WDR44: variants seen among roughly 807,000 people sequenced by gnomAD.
WDR44 encodes WD repeat domain 44, also known as WD repeat-containing protein 44.
Under a neutral mutation model 65.7 loss-of-function variants are expected in WDR44, and 9 were observed. The observed-to-expected ratio is 0.14, with a 90% CI of 0.08 to 0.24. The LOEUF is 0.24. Among genes scored for constraint, WDR44 ranks in the 10% least tolerant of loss-of-function variants. The pLI is 1.00. For synonymous variants in WDR44, 220 were observed against 235.2 expected (o/e 0.94, Z 0.59); for missense variants, 425 against 670.9 (o/e 0.63, Z 4.05).
chrX:118,366,144 G>A (rs2056551098), intron 1 of WDR44, among the ~76,000 whole-genome samples: 1 of 111,329 alleles, frequency 9.0e-6, no homozygotes, highest in Non-Finnish European at 1.9e-5. Flanking sequence ...TCCCTTTCTG[G>A]TTTGACTATC....
intron 1 of WDR44, among the ~76,000 whole-genome samples, chrX:118,377,230 C>T (rs921783704): frequency 4.4e-4 from 48 of 109,755 alleles, no homozygotes; most frequent in African/African-American, 1.6e-3. Context: ...TGTGGTGGCG[C>T]ATGCCTGTAG....
At chrX:118,348,040 C>G (rs2056368746) in intron 1 of WDR44, among the ~76,000 whole-genome samples, 1 of 107,612 alleles carries the variant, frequency 9.3e-6, no homozygotes, top group Non-Finnish European at 1.9e-5. Flanking sequence ...TCCTTTGGTA[C>G]TTTTGTGTGT....
At chrX:118,411,332 G>A (rs1236509958) in intron 12 of WDR44, among the ~76,000 whole-genome samples, 2 of 111,603 alleles carry the variant, frequency 1.8e-5, no homozygotes, top group Non-Finnish European at 3.8e-5. Flanking sequence ...AATCTTCTTG[G>A]TTTAATAAAC....
intron 13 of WDR44, among the ~76,000 whole-genome samples, chrX:118,435,130 AAAG>A (rs1728178528): frequency 8.9e-6 from 1 of 112,484 alleles, no homozygotes; most frequent in African/African-American, 3.2e-5. Flanking sequence ...AGTCTTTCTT[AAAG>A]AATACTTATT....
At chrX:118,358,846 G>GTGGA (rs2056486803) in intron 1 of WDR44, among the ~76,000 whole-genome samples, 1 of 112,130 alleles carries the variant, frequency 8.9e-6, no homozygotes, top group African/African-American at 3.2e-5. Context: ...GCCGAGGCAG[G>GTGGA]TGGATCGCTT....
intron 19 of WDR44, 76 bp downstream of exon 19, chrX:118,444,570 G>C: frequency 9.5e-7 from 1 of 1,047,138 alleles, no homozygotes; most frequent in Non-Finnish European, 1.3e-6. Flanking sequence ...AGTATAATAA[G>C]GTTTTCACTA....
chrX:118,428,457 T>A (rs1352012975), intron 12 of WDR44, among the ~76,000 whole-genome samples: 4 of 111,531 alleles, frequency 3.6e-5, no homozygotes, highest in Admixed American at 9.6e-5. Flanking sequence ...TATTTATAGA[T>A]AAAAGACTTT....
intron 1 of WDR44, among the ~76,000 whole-genome samples, chrX:118,349,837 C>T (rs953464584): frequency 6.1e-4 from 68 of 112,006 alleles, no homozygotes; most frequent in African/African-American, 2.1e-3. Context: ...CGTGAGCCAC[C>T]GCACCTGGCC....
intron 12 of WDR44, among the ~76,000 whole-genome samples, chrX:118,423,715 A>G (rs904627473): frequency 8.9e-6 from 1 of 111,839 alleles, no homozygotes; most frequent in African/African-American, 3.3e-5. Context: ...AAACTTAATC[A>G]TTTTGAAAGT....
chrX:118,369,582 G>GC (rs1340707407), intron 1 of WDR44, among the ~76,000 whole-genome samples: 12 of 101,109 alleles, frequency 1.2e-4, no homozygotes, highest in African/African-American at 1.5e-4. Context: ...CCATTCTCCT[G>GC]CTCAGCCTCC....
rs781589284 is a variant in WDR44, at chrX:118,397,109, A to G, written c.1190+3A>G. The stretch of plus-strand genomic sequence containing the variant: ...AGAAGGACAAAAGAATATGTAAGGT[A>G]TGGCCTAATGTTGTTATTTGTCATT... On this transcript the variant is annotated splice_donor_region_variant and intron_variant, in intron 7 of 19. Transcript: ENST00000254029. 7.8e-6 allele frequency: 9 copies of G among 1,154,156 alleles called. No individual in the cohort carries two copies. Among genetic ancestry groups the G allele is most frequent in the Middle Eastern group, 2.4e-4 (1 of 4,111 alleles).
intron 12 of WDR44, among the ~76,000 whole-genome samples, chrX:118,419,210 T>C (rs1437758617): frequency 9.0e-6 from 1 of 111,302 alleles, no homozygotes. Flanking sequence ...TTCTCGCCAG[T>C]TCAAATTGTT....
At position 118,436,683 on chromosome X, in the gene WDR44, A is replaced by C; in HGVS notation, c.1852-19A>C. The C allele has an allele frequency of 8.5e-7, 1 of 1,178,285 alleles. No individual in the cohort carries two copies. Among genetic ancestry groups the C allele is most frequent in the Non-Finnish European group, 1.1e-6 (1 of 876,117 alleles). On this transcript the variant is annotated intron_variant, in intron 13 of 19. Coordinates refer to ENST00000254029, the MANE Select transcript of WDR44 (RefSeq NM_019045.5). Reference sequence around the variant, plus strand: ...TTTTTCATATAGTGATAACATAGTCAATGTCATTTTCCCCATAGAACTACT... The same window carrying C: ...TTTTTCATATAGTGATAACATAGTCCATGTCATTTTCCCCATAGAACTACT...
chrX:118,413,048 G>A (rs1000039224), intron 12 of WDR44, among the ~76,000 whole-genome samples: 1 of 112,423 alleles, frequency 8.9e-6, no homozygotes, highest in African/African-American at 3.2e-5. Context: ...TGGCTGAGTA[G>A]TATTCCATCG....
intron 12 of WDR44, 26 bp downstream of exon 12, chrX:118,410,985 C>G: frequency 1.8e-6 from 2 of 1,111,604 alleles, no homozygotes; most frequent in South Asian, 2.2e-5. Context: ...TATGGTTACT[C>G]TGTTTTCAGG....
intron 3 of WDR44, among the ~76,000 whole-genome samples, chrX:118,387,766 G>T (rs1481114009): frequency 2.7e-5 from 3 of 111,570 alleles, no homozygotes; most frequent in Non-Finnish European, 5.6e-5. Context: ...GGAATCAGAA[G>T]TTATAAGAAG....
intron 19 of WDR44, chrX:118,446,957 A>T: frequency 4.0e-6 from 1 of 252,385 alleles, no homozygotes; most frequent in Non-Finnish European, 7.4e-6. Context: ...GCAACGTTGA[A>T]CTCCTGTGCT....
rs774768618 is a variant in WDR44 at position 118,387,455 on chromosome X, T to C, written c.186+41T>C. 1.0e-5 allele frequency: 10 copies of C among 994,668 alleles called. No individual in the cohort carries two copies. The African/African-American group carries it at 1.4e-4, about 14-fold the overall frequency. The allele number at this position is 994,668 out of a possible 1,213,427, so 82.0% of individuals were successfully genotyped here. Reference sequence around the variant, plus strand: ...TGTCAATATTAGTTTATAGCAGACATCATATTTATATGGTATATTTCAAAC... The same window carrying C: ...TGTCAATATTAGTTTATAGCAGACACCATATTTATATGGTATATTTCAAAC... On this transcript the variant is annotated intron_variant, in intron 3 of 19. Transcript: ENST00000254029.
At chrX:118,404,935 C>T (rs893118752) in intron 9 of WDR44, among the ~76,000 whole-genome samples, 8 of 110,681 alleles carry the variant, frequency 7.2e-5, no homozygotes, top group African/African-American at 2.3e-4. Flanking sequence ...CTCCTGACCT[C>T]GTGATCTGCC....
Sources: gnomAD v4.1 joint callset for allele counts (sites outside exome capture counted in the v4.1 genomes callset) on GRCh38, gnomAD v4.1.1 for gene constraint, MANE v1.5 for transcripts, NCBI Gene and HGNC (gene_info 2026-07-23, HGNC 2026-07-21) for gene names.